Variants in EVI5L observed in about 807,000 individuals in gnomAD.
EVI5L encodes ecotropic viral integration site 5 like.
A neutral mutation model predicts 106.1 loss-of-function variants in EVI5L; 30 were observed. That is an observed-to-expected ratio of 0.28 (90% CI 0.21 to 0.38). EVI5L has a LOEUF of 0.38. Ranked by LOEUF, EVI5L falls within the 10% of genes least tolerant of loss-of-function variation. The pLI, the probability that EVI5L is intolerant of heterozygous loss-of-function variation, is 1.00. For missense variants in EVI5L, 809 were observed against 1,098.0 expected, an observed-to-expected ratio of 0.74 and a Z score of 3.72; for synonymous variants, 489 against 483.3, an observed-to-expected ratio of 1.01 and a Z score of -0.15.
Position 7,862,456 on chromosome 19 carries a change from G to A in EVI5L, c.1869G>A (p.Gln623=), listed in dbSNP as rs1404841564. Residue 623 remains glutamine (Q), a synonymous_variant, in exon 17 of 20, where the codon CAG becomes CAA. Coordinates refer to ENST00000538904, the MANE Select transcript of EVI5L (RefSeq NM_001159944.3). ...AERAALQEKL[Q]YLAAQNKGLQ... ...GCGCGGCGCTGCAGGAGAAGCTGCA[G>A]TACCTGGCTGCACAGAACAAGGGGC... is the stretch of plus-strand genomic sequence containing the variant. 1.2e-6 allele frequency: 2 copies of A among 1,609,296 alleles called. No individual in the cohort carries two copies. Among genetic ancestry groups the A allele is most frequent in the Non-Finnish European group, 1.7e-6 (2 of 1,178,452 alleles).
intron 6 of EVI5L, among the ~76,000 whole-genome samples, chr19:7,851,089 G>A (rs77185086): frequency 0.081 from 12,244 of 152,022 alleles, 893 homozygotes; most frequent in East Asian, 0.27. Context: ...GTCTCAGGGT[G>A]TCTGTGGGGA....
rs1178633080 is a variant in EVI5L, at chr19:7,863,118, G to A, written c.2043+51G>A. The A allele has an allele frequency of 9.1e-6, 14 of 1,530,834 alleles. No homozygotes were observed. In the South Asian group the frequency reaches 1.1e-4, roughly 12 times the overall value. 94.8% of individuals were successfully genotyped at this position (1,530,834 alleles called of 1,614,324 possible). On this transcript the variant is annotated intron_variant, in intron 18 of 19. Transcript: ENST00000538904. This position sits in a 1 kb window ranked among gnomAD's most constrained non-coding sequence, Gnocchi z 7.7. ...GGCGGGGGCGGGGGCAGGGCCCGGGGCAGGAGCGGGGCCGGACCCCAGGCC... is the reference window on the plus strand; with the variant it reads ...GGCGGGGGCGGGGGCAGGGCCCGGGACAGGAGCGGGGCCGGACCCCAGGCC...
rs551190444 is a variant in EVI5L, at chr19:7,849,057, G to T, written c.464G>T (p.Arg155Leu). The change falls in exon 4 of 20, where the codon CGC becomes CTC. Residue 155 changes from arginine to leucine, a missense_variant. Physicochemically the swap from Arg to Leu is moderately radical, Grantham distance 102. This residue lies in a region of EVI5L where 357 missense variants were observed against 588.1 expected (regional missense o/e 0.61). Coordinates refer to ENST00000538904, the MANE Select transcript of EVI5L (RefSeq NM_001159944.3). ...TCCTCGCCGTGCGAGAAGCTGATCC[G>T]CAGGGACATCGCCCGCACCTACCCG... ...KMSSPCEKLIRRDIARTYPEH... is the reference protein window; with the variant it reads ...KMSSPCEKLILRDIARTYPEH... 5.0e-6 allele frequency: 8 copies of T among 1,613,150 alleles called. No individual in the cohort carries two copies. The South Asian group carries it at 6.6e-5, about 13-fold the overall frequency.
In EVI5L at chr19:7,847,723, C is replaced by T; in HGVS notation, c.138-9C>T. ...CACTGGTTCCCCTCTGTCGGCCCTT[C>T]CTGCCCAGGCTCCTGGAGGCCGACT... On this transcript the variant is annotated splice_polypyrimidine_tract_variant and intron_variant, in intron 2 of 19. Coordinates refer to ENST00000538904, the MANE Select transcript of EVI5L (RefSeq NM_001159944.3). 6.2e-7 allele frequency: 1 copy of T among 1,609,212 alleles called. No individual in the cohort carries two copies. Among genetic ancestry groups the T allele is most frequent in the African/African-American group, 1.3e-5 (1 of 74,810 alleles).
In EVI5L at chr19:7,862,235, G is replaced by A; in HGVS notation, c.1758G>A (p.Glu586=). The A allele has an allele frequency of 6.4e-7, 1 of 1,573,670 alleles. No individual in the cohort carries two copies. Among genetic ancestry groups the A allele is most frequent in the East Asian group, 2.3e-5 (1 of 43,068 alleles). Residue 586 remains glutamate (E), a synonymous_variant, in exon 16 of 20, where the codon GAG becomes GAA. Coordinates refer to ENST00000538904, the MANE Select transcript of EVI5L (RefSeq NM_001159944.3). ...VRLREAQALA[E]GRELRQRVVE... is the part of the protein sequence containing the mutation. Reference sequence around the variant, plus strand: ...TGCGCGAGGCCCAGGCCCTGGCCGAGGGCCGCGAGCTGCGGCAGCGCGTGG... The same window carrying A: ...TGCGCGAGGCCCAGGCCCTGGCCGAAGGCCGCGAGCTGCGGCAGCGCGTGG...
At chr19:7,831,318 A>C (rs1426133619) in intron 1 of EVI5L, among the ~76,000 whole-genome samples, 1 of 150,020 alleles carries the variant, frequency 6.7e-6, no homozygotes, top group Non-Finnish European at 1.5e-5. Context: ...TAAGAGCTCC[A>C]ACATAGACCC....
chr19:7,856,191 C>A lies in EVI5L; in HGVS notation c.1200+123C>A. On this transcript the variant is annotated intron_variant, in intron 11 of 19. Coordinates refer to ENST00000538904, the MANE Select transcript of EVI5L (RefSeq NM_001159944.3). This position sits in a 1 kb window ranked among gnomAD's most constrained non-coding sequence, Gnocchi z 6.6. ...CTCCTCTCTGGAGGACTAAGCAGCC[C>A]TACCTTCCTGCCCCAGGACCCGACC... is the stretch of plus-strand genomic sequence containing the variant. 1 of 994,574 alleles carries A rather than the reference C, an allele frequency of 1.0e-6. No individual in the cohort carries two copies. The highest frequency in any genetic ancestry group is 1.3e-6 in the Non-Finnish European group (1 of 752,934). The allele number at this position is 994,574 out of a possible 1,614,324, so 61.6% of individuals were successfully genotyped here. A position where few individuals can be genotyped will look rare whatever the true frequency, so the allele number is the denominator to read the frequency against.
At position 7,863,226 on chromosome 19, in the gene EVI5L, C is replaced by T. The variant is rs1231751243; in HGVS notation, c.2085C>T (p.Asp695=). Residue 695 remains aspartate, a synonymous_variant, in exon 19 of 20, where the codon GAC becomes GAT. Transcript: ENST00000538904. The surrounding 1 kb of genome is among the most constrained non-coding windows in gnomAD (Gnocchi z 7.7). ...GRIQGQLNHS[D]SSQYIRELKD... is the part of the protein sequence containing the mutation. ...TCCAGGGCCAGCTGAACCACTCGGA[C>T]TCATCGCAGTACATCCGCGAGCTCA... The T allele has an allele frequency of 1.9e-6, 3 of 1,563,240 alleles. No homozygotes were observed. The highest frequency in any genetic ancestry group is 2.7e-5 in the African/African-American group (2 of 74,078).
At chr19:7,843,584 A>C (rs1351060618) in intron 1 of EVI5L, among the ~76,000 whole-genome samples, 1 of 133,786 alleles carries the variant, frequency 7.5e-6, no homozygotes, top group Admixed American at 7.6e-5. Flanking sequence ...GAGAATAGGC[A>C]TGGGTGTGTG....
chr19:7,849,678 C>T (rs182325993), intron 5 of EVI5L, among the ~76,000 whole-genome samples: 39 of 152,224 alleles, frequency 2.6e-4, no homozygotes, highest in Non-Finnish European at 4.0e-4. Flanking sequence ...CCAGAGAAAT[C>T]GGGAGGCTGA....
chr19:7,862,569 A>G (rs1227075011), intron 17 of EVI5L, 35 bp downstream of exon 17: 1 of 1,323,884 alleles, frequency 7.6e-7, no homozygotes, highest in Non-Finnish European at 9.6e-7. Flanking sequence ...TGCCCGTGGC[A>G]CCGCCCCCGG....
In EVI5L at chr19:7,846,770, GC is replaced by G; in HGVS notation, c.137+94del. The G allele has an allele frequency of 3.3e-6, 5 of 1,498,232 alleles. No individual in the cohort carries two copies. In the South Asian group the frequency reaches 6.5e-5, roughly 19 times the overall value. The allele number at this position is 1,498,232 out of a possible 1,614,324, so 92.8% of individuals were successfully genotyped here. A position where few individuals can be genotyped will look rare whatever the true frequency, so the allele number is the denominator to read the frequency against. ...CAGGTGCCCTCACATTCAGAGCCAG[GC>G]CCAGTGTGTGCAATGTGACAGCCAC... On this transcript the variant is annotated intron_variant, in intron 2 of 19. Transcript: ENST00000538904.
Position 7,857,287 on chromosome 19 carries a change from G to A in EVI5L, c.1233+163G>A, listed in dbSNP as rs967236177. ...CTTCTGGGGGACACAGAGGCTTCCC[G>A]GGGGGGCGGGGCATGTGAAGTGGGG... On this transcript the variant is annotated intron_variant, in intron 12 of 19. Coordinates refer to ENST00000538904, the MANE Select transcript of EVI5L (RefSeq NM_001159944.3). The surrounding 1 kb of genome is among the most constrained non-coding windows in gnomAD (Gnocchi z 4.5). The A allele has an allele frequency of 5.6e-6, 5 of 889,244 alleles. No homozygotes were observed. Among genetic ancestry groups the A allele is most frequent in the African/African-American group, 1.7e-5 (1 of 60,338 alleles). The allele number at this position is 889,244 out of a possible 1,614,324, so 55.1% of individuals were successfully genotyped here. A position where few individuals can be genotyped will look rare whatever the true frequency, so the allele number is the denominator to read the frequency against.
At chr19:7,840,077 G>A (rs765534878) in intron 1 of EVI5L, among the ~76,000 whole-genome samples, 4 of 152,176 alleles carry the variant, frequency 2.6e-5, no homozygotes, top group African/African-American at 7.2e-5. Context: ...AGGTGGCACC[G>A]GGGACCCAGA....
chr19:7,844,880 C>T (rs1053097642), intron 1 of EVI5L, among the ~76,000 whole-genome samples: 3 of 152,144 alleles, frequency 2.0e-5, no homozygotes, highest in Admixed American at 6.5e-5. Context: ...AAGAATGGCG[C>T]ACCTCCCCCA....
At chr19:7,836,482 T>A (rs1335322231) in intron 1 of EVI5L, among the ~76,000 whole-genome samples, 2 of 152,008 alleles carry the variant, frequency 1.3e-5, no homozygotes, top group African/African-American at 4.8e-5. Flanking sequence ...GCACAGCGGG[T>A]GGATTTAGGG....
In EVI5L at chr19:7,845,334, C is replaced by G. The variant is rs11879667; in HGVS notation, c.-47-1162C>G. Among the ~76,000 whole-genome samples the G allele has an allele frequency of 6.6e-6, 1 of 152,054 alleles. No homozygotes were observed. Among genetic ancestry groups the G allele is most frequent in the Non-Finnish European group, 1.5e-5 (1 of 67,968 alleles). On this transcript the variant is annotated intron_variant, in intron 1 of 19. Coordinates refer to ENST00000538904, the MANE Select transcript of EVI5L (RefSeq NM_001159944.3). The surrounding 1 kb of genome is among the most constrained non-coding windows in gnomAD (Gnocchi z 4.0). The stretch of plus-strand genomic sequence containing the variant: ...AGCATGAAGGAACACCATCCCCAGC[C>G]GCTGCCTCCACTCCCATAGCCGTCC...
chr19:7,847,041 G>A (rs1354063230), intron 2 of EVI5L, among the ~76,000 whole-genome samples: 2 of 152,168 alleles, frequency 1.3e-5, no homozygotes, highest in East Asian at 1.9e-4. Flanking sequence ...TCACACCACC[G>A]AACACTTTGG....
Position 7,856,496 on chromosome 19 carries a change from ATGG to A in EVI5L, c.1200+432_1200+434del, listed in dbSNP as rs1475184561. On this transcript the variant is annotated intron_variant, in intron 11 of 19. Coordinates refer to ENST00000538904, the MANE Select transcript of EVI5L (RefSeq NM_001159944.3). This position sits in a 1 kb window ranked among gnomAD's most constrained non-coding sequence, Gnocchi z 6.6. ...CCCAGTGGAGGAGAAGCGTGGCGCC[ATGG>A]TGGGGAGCCACAGCCCGGACTCTGC... Among the ~76,000 whole-genome samples the A allele has an allele frequency of 6.6e-6, 1 of 151,904 alleles. No individual in the cohort carries two copies. Among genetic ancestry groups the A allele is most frequent in the East Asian group, 2.0e-4 (1 of 5,112 alleles).
Sources: allele counts gnomAD v4.1 joint callset (sites outside exome capture counted in the v4.1 genomes callset), GRCh38; gene constraint gnomAD v4.1.1; regional missense constraint gnomAD v4.1.1; non-coding constraint Gnocchi (gnomAD v3.1); transcripts MANE v1.5; gene names NCBI Gene and HGNC (gene_info 2026-07-23, HGNC 2026-07-21).